Variants in TPM4 observed in about 807,000 individuals in gnomAD.
TPM4 encodes the protein tropomyosin alpha-4 chain.
In TPM4, 17 loss-of-function variants were observed where a neutral mutation model predicts 35.8. The observed-to-expected ratio is 0.47, with a 90% confidence interval of 0.32 to 0.71. TPM4 has a LOEUF of 0.71. Among genes scored for constraint, TPM4 ranks in the 30% least tolerant of loss-of-function variants. The pLI is 0.03. For synonymous variants in TPM4, 120 were observed against 122.9 expected (o/e 0.98, Z 0.15); for missense variants, 240 against 320.9 (o/e 0.75, Z 1.93).
intron 7 of TPM4, among the ~76,000 whole-genome samples, chr19:16,098,428 C>T (rs2090725499): frequency 6.6e-6 from 1 of 151,692 alleles, no homozygotes; most frequent in African/African-American, 2.4e-5. Context: ...GCCTGGGCGA[C>T]AGAGTGAGAC....
In TPM4 at chr19:16,076,637, G is replaced by C; in HGVS notation, c.72G>C (p.Ala24=). Residue 24 remains alanine, a synonymous_variant, in exon 1 of 8, where the codon GCG becomes GCC. Transcript: ENST00000643579. Reference sequence around the variant, plus strand: ...CCCTGCAGCAGCAGGCGGACGAGGCGGAAGACCGCGCGCAGGGCCTGCAGC... The same window carrying C: ...CCCTGCAGCAGCAGGCGGACGAGGCCGAAGACCGCGCGCAGGGCCTGCAGC... ...IQALQQQADE[A]EDRAQGLQRE... is the part of the protein sequence containing the mutation. 1 of 1,454,498 alleles carries C rather than the reference G, an allele frequency of 6.9e-7. No homozygotes were observed. Among genetic ancestry groups the C allele is most frequent in the African/African-American group, 1.5e-5 (1 of 67,780 alleles). 90.1% of individuals were successfully genotyped at this position (1,454,498 alleles called of 1,614,324 possible). A position where few individuals can be genotyped will look rare whatever the true frequency, so the allele number is the denominator to read the frequency against.
At chr19:16,084,882 G>T (rs997864499) in intron 2 of TPM4, among the ~76,000 whole-genome samples, 1 of 152,204 alleles carries the variant, frequency 6.6e-6, no homozygotes, top group Non-Finnish European at 1.5e-5. Context: ...TATGGTCTCT[G>T]TGCTGGGTGG....
intron 4 of TPM4, chr19:16,088,400 G>A: frequency 2.4e-6 from 3 of 1,237,556 alleles, no homozygotes; most frequent in East Asian, 4.3e-5. Context: ...ATCTCAGGGG[G>A]CTGTGCCATC....
chr19:16,090,579 T>G (rs528652983), intron 5 of TPM4, among the ~76,000 whole-genome samples: 1 of 152,264 alleles, frequency 6.6e-6, no homozygotes, highest in East Asian at 1.9e-4. Context: ...GAGCTTCTGC[T>G]TAAACATCAC....
chr19:16,071,468 A>G (rs1447557182), intron 2 of TPM4, among the ~76,000 whole-genome samples: 1 of 152,162 alleles, frequency 6.6e-6, no homozygotes, highest in Non-Finnish European at 1.5e-5. Flanking sequence ...CACAGACTTG[A>G]GCCACGGAGC....
intron 4 of TPM4, 81 bp downstream of exon 4, chr19:16,088,178 G>T (rs1484949994): frequency 1.3e-6 from 2 of 1,538,296 alleles, no homozygotes; most frequent in Non-Finnish European, 1.8e-6. Flanking sequence ...TTGGGAATTG[G>T]CTCTGACCGG....
intron 7 of TPM4, chr19:16,095,436 G>C (rs183662475): frequency 9.7e-7 from 1 of 1,028,570 alleles, no homozygotes; most frequent in African/African-American, 1.7e-5. Flanking sequence ...CCTGCCTTCT[G>C]GTTTGAACGT....
intron 5 of TPM4, among the ~76,000 whole-genome samples, chr19:16,090,776 C>G (rs1489571524): frequency 6.6e-6 from 1 of 151,502 alleles, no homozygotes; most frequent in Non-Finnish European, 1.5e-5. Context: ...GAGTTGTGTC[C>G]CTAGTACTAG....
intron 1 of TPM4, among the ~76,000 whole-genome samples, chr19:16,078,695 G>C (rs1404996841): frequency 2.0e-5 from 3 of 152,182 alleles, no homozygotes; most frequent in Non-Finnish European, 2.9e-5. Flanking sequence ...CTAGTTGGGA[G>C]AGAAGATGTT....
chr19:16,089,841 C>T (rs143005417), intron 5 of TPM4, among the ~76,000 whole-genome samples: 80 of 151,822 alleles, frequency 5.3e-4, no homozygotes, highest in African/African-American at 1.9e-3. Context: ...CTTGATAAAC[C>T]CCTATTCAGC....
At chr19:16,073,053 C>A (rs948865377), upstream of TPM4, among the ~76,000 whole-genome samples, 8 of 151,890 alleles carry the variant, frequency 5.3e-5, no homozygotes, top group Admixed American at 1.3e-4. Context: ...AACAAAAAAA[C>A]CCCAAACCAG....
chr19:16,069,699 AGT>A (rs1444846130), intron 2 of TPM4, among the ~76,000 whole-genome samples: 3 of 114,488 alleles, frequency 2.6e-5, no homozygotes, highest in Non-Finnish European at 5.6e-5. Flanking sequence ...TGTGTGGATA[AGT>A]GTGTGTTTTT....
At chr19:16,082,130 A>G in intron 2 of TPM4, 84 bp downstream of exon 2, 1 of 1,496,058 alleles carries the variant, frequency 6.7e-7, no homozygotes, top group South Asian at 1.3e-5. Context: ...AGCTGGTGTG[A>G]AAGTAAACAA....
chr19:16,067,781 C>A lies in TPM4; in HGVS notation c.114+43C>A. 2 of 1,581,722 alleles carry A rather than the reference C, an allele frequency of 1.3e-6. No individual in the cohort carries two copies. The highest frequency in any genetic ancestry group is 1.7e-6 in the Non-Finnish European group (2 of 1,164,188). On this transcript the variant is annotated intron_variant, in intron 2 of 2. Coordinates refer to the TPM4 transcript ENST00000589897. This position sits in a 1 kb window ranked among gnomAD's most constrained non-coding sequence, Gnocchi z 4.1. ...GGGCCGCTCCGGGCTGCTGGGAGTC[C>A]TCTCTGTGCGGAAGGCCGGGGTCTG... is the stretch of plus-strand genomic sequence containing the variant.
At chr19:16,081,037 T>C (rs1456516956) in intron 1 of TPM4, 1 of 398,600 alleles carries the variant, frequency 2.5e-6, no homozygotes, top group East Asian at 3.6e-5. Flanking sequence ...GATTGAAGGA[T>C]GGAATTCCAA....
In TPM4 at chr19:16,100,205, G is replaced by A. The variant is rs549410226; in HGVS notation, c.665-1059G>A. On this transcript the variant is annotated intron_variant, in intron 7 of 7. Coordinates refer to ENST00000643579, the MANE Select transcript of TPM4 (RefSeq NM_003290.3). The stretch of plus-strand genomic sequence containing the variant: ...GGGGAAAACAGACCTAGGAAGGTTA[G>A]ATGCTTACTTAAGTGATACAACTGG... 3.9e-5 allele frequency: 6 copies of A among 152,270 alleles called. No homozygotes were observed. In the South Asian group the frequency reaches 1.2e-3, roughly 32 times the overall value. 9.4% of individuals were successfully genotyped at this position (152,270 alleles called of 1,614,324 possible).
At chr19:16,082,522 G>T (rs963421506) in intron 2 of TPM4, among the ~76,000 whole-genome samples, 4 of 152,066 alleles carry the variant, frequency 2.6e-5, no homozygotes, top group African/African-American at 7.2e-5. Flanking sequence ...AAAATAAAGT[G>T]AGGGGTGTTT....
intron 2 of TPM4, among the ~76,000 whole-genome samples, chr19:16,084,199 C>T (rs961267417): frequency 2.6e-5 from 4 of 152,146 alleles, no homozygotes; most frequent in African/African-American, 7.2e-5. Context: ...AGTGCTGGCA[C>T]GCCTAGCTAA....
upstream of TPM4, among the ~76,000 whole-genome samples, chr19:16,073,151 C>G (rs2090371419): frequency 6.6e-6 from 1 of 152,096 alleles, no homozygotes; most frequent in Non-Finnish European, 1.5e-5. Flanking sequence ...CGAGACCAGC[C>G]TGGATAACAC....
Sources: allele counts gnomAD v4.1 joint callset (sites outside exome capture counted in the v4.1 genomes callset), GRCh38; gene constraint gnomAD v4.1.1; non-coding constraint Gnocchi (gnomAD v3.1); transcripts MANE v1.5; gene names NCBI Gene and HGNC (gene_info 2026-07-23, HGNC 2026-07-21).